KDM4B: variants seen among roughly 807,000 people sequenced by gnomAD.
KDM4B encodes the protein lysine-specific demethylase 4B.
Under a neutral mutation model 125.2 loss-of-function variants are expected in KDM4B, and 32 were observed. The observed-to-expected ratio is 0.26, with a 90% CI of 0.19 to 0.34. KDM4B has a LOEUF of 0.34. KDM4B is among the 10% of genes least tolerant of loss of function. The pLI is 1.00. For synonymous variants in KDM4B, 721 were observed against 677.9 expected (o/e 1.06, Z -0.99); for missense variants, 1,190 against 1,577.7 (o/e 0.75, Z 4.16).
Position 5,142,656 on chromosome 19 carries a change from C to G in KDM4B, c.2551-1311C>G, listed in dbSNP as rs947075783. ...GTCCAGGTGGGGCCTCTCCCCCACC[C>G]CCAGGCTCCCCAGGGAGCACAGCCT... On this transcript the variant is annotated intron_variant, in intron 18 of 22. Coordinates refer to ENST00000159111, the MANE Select transcript of KDM4B (RefSeq NM_015015.3). The surrounding 1 kb of genome is among the most constrained non-coding windows in gnomAD (Gnocchi z 5.4). 1.3e-5 allele frequency among the ~76,000 whole-genome samples: 2 copies of G among 152,114 alleles called. No homozygotes were observed. Among genetic ancestry groups the G allele is most frequent in the African/African-American group, 2.4e-5 (1 of 41,430 alleles).
In KDM4B at chr19:5,144,228, C is replaced by A; in HGVS notation, c.2737-20C>A. ...CGACACCCGCGCTGACCGCCCCCCA[C>A]ACCCTCCGCACCCTCCCAGGTCCAA... On this transcript the variant is annotated intron_variant, in intron 19 of 22. Transcript: ENST00000159111. 1 of 1,590,144 alleles carries A rather than the reference C, an allele frequency of 6.3e-7. No individual in the cohort carries two copies. The highest frequency in any genetic ancestry group is 8.6e-7 in the Non-Finnish European group (1 of 1,168,562).
chr19:5,043,995 C>T (rs1245721944), intron 5 of KDM4B, among the ~76,000 whole-genome samples: 4 of 127,704 alleles, frequency 3.1e-5, no homozygotes, highest in Admixed American at 1.6e-4. Flanking sequence ...CCTTATCCCG[C>T]GTGGTGTTTA....
intron 6 of KDM4B, among the ~76,000 whole-genome samples, chr19:5,049,847 G>A (rs1486053267): frequency 1.3e-5 from 2 of 152,150 alleles, no homozygotes; most frequent in African/African-American, 2.4e-5. Context: ...GGAGCCTCTT[G>A]GATCCTCACT....
At position 4,971,757 on chromosome 19, in the gene KDM4B, A is replaced by G. The variant is rs1184781735; in HGVS notation, c.-109+2527A>G. The stretch of plus-strand genomic sequence containing the variant: ...CTCAGGGAGCAGGCAGGAGGAGGCG[A>G]GGCTGTTGAGGGCCTGAGGTGCATT... On this transcript the variant is annotated intron_variant, in intron 1 of 22. Coordinates refer to ENST00000159111, the MANE Select transcript of KDM4B (RefSeq NM_015015.3). The surrounding 1 kb of genome is among the most constrained non-coding windows in gnomAD (Gnocchi z 4.1). Among the ~76,000 whole-genome samples, 3 of 152,090 alleles carry G rather than the reference A, an allele frequency of 2.0e-5. No individual in the cohort carries two copies. Among genetic ancestry groups the G allele is most frequent in the Non-Finnish European group, 4.4e-5 (3 of 68,010 alleles).
intron 1 of KDM4B, among the ~76,000 whole-genome samples, chr19:5,006,148 C>T (rs935781744): frequency 2.1e-4 from 32 of 152,026 alleles, no homozygotes; most frequent in Non-Finnish European, 4.1e-4. Flanking sequence ...CCCTTCCTTC[C>T]ATCCCTGCTG....
In KDM4B at chr19:5,144,863, G is replaced by A. The variant is rs547299916; in HGVS notation, c.2982G>A (p.Lys994=). 6.2e-7 allele frequency: 1 copy of A among 1,612,934 alleles called. No homozygotes were observed. Among genetic ancestry groups the A allele is most frequent in the African/African-American group, 1.3e-5 (1 of 75,012 alleles). ...ELRWTDGNLY[K]AKFISSVTSH... ...GGTGGACTGACGGCAACCTCTACAA[G>A]GCCAAGTTCATCTCCTCCGTCACCA... The change falls in exon 21 of 23, where the codon AAG becomes AAA. Residue 994 remains lysine (K), a synonymous_variant. Coordinates refer to ENST00000159111, the MANE Select transcript of KDM4B (RefSeq NM_015015.3).
intron 1 of KDM4B, among the ~76,000 whole-genome samples, chr19:4,977,579 T>G (rs1040348197): frequency 1.3e-5 from 2 of 152,140 alleles, no homozygotes; most frequent in African/African-American, 4.8e-5. Context: ...GCTGCCCTAG[T>G]CTCCAGGGAG....
Position 5,123,528 on chromosome 19 carries a change from T to C in KDM4B, c.1315+3676T>C, listed in dbSNP as rs531485431. 2.7e-4 allele frequency among the ~76,000 whole-genome samples: 41 copies of C among 152,214 alleles called. No homozygotes were observed. In the South Asian group the frequency reaches 8.3e-3, roughly 31 times the overall value. On this transcript the variant is annotated intron_variant, in intron 11 of 22. Coordinates refer to ENST00000159111, the MANE Select transcript of KDM4B (RefSeq NM_015015.3). ...GCAGTGACGCCCTTCCCAAACAAGG[T>C]GGCACCCCAGGTCCGGGGGCTAGGA...
chr19:5,022,637 G>C (rs1378034065), intron 2 of KDM4B, among the ~76,000 whole-genome samples: 1 of 152,194 alleles, frequency 6.6e-6, no homozygotes, highest in East Asian at 1.9e-4. Flanking sequence ...AGTTAGCTCT[G>C]TGACCATGCG....
At chr19:5,024,991 A>G (rs1165621493) in intron 2 of KDM4B, among the ~76,000 whole-genome samples, 1 of 152,264 alleles carries the variant, frequency 6.6e-6, no homozygotes, top group Non-Finnish European at 1.5e-5. Flanking sequence ...ACAATTTGCG[A>G]ACCATACAAG....
At chr19:5,030,842 G>A (rs1283561316) in intron 2 of KDM4B, among the ~76,000 whole-genome samples, 3 of 152,268 alleles carry the variant, frequency 2.0e-5, no homozygotes, top group Non-Finnish European at 4.4e-5. Flanking sequence ...GACCACTGTG[G>A]CCACCACCGC....
intron 6 of KDM4B, 110 bp downstream of exon 6, chr19:5,047,779 C>T (rs944672996): frequency 3.1e-5 from 33 of 1,068,636 alleles, no homozygotes; most frequent in Admixed American, 2.9e-4. Context: ...CAGGTGAGGC[C>T]GCAAAGGTCG....
chr19:5,019,648 A>G (rs1418527250), intron 2 of KDM4B, among the ~76,000 whole-genome samples: 1 of 104,210 alleles, frequency 9.6e-6, no homozygotes, highest in African/African-American at 3.9e-5. Flanking sequence ...GTTTGTGTGG[A>G]CGTTGGTGTG....
chr19:5,130,543 G>A (rs1295003065), intron 11 of KDM4B, among the ~76,000 whole-genome samples: 2 of 152,344 alleles, frequency 1.3e-5, no homozygotes, highest in East Asian at 1.9e-4. Flanking sequence ...GTTGGGGTTC[G>A]TTGATTAAGA....
chr19:5,145,469 T>C (rs986624084), intron 21 of KDM4B, among the ~76,000 whole-genome samples: 2 of 152,082 alleles, frequency 1.3e-5, no homozygotes, highest in African/African-American at 4.8e-5. Context: ...TAGTCCCAGC[T>C]GCTCGGGAGG....
intron 2 of KDM4B, among the ~76,000 whole-genome samples, chr19:5,017,066 T>G (rs961329022): frequency 6.6e-6 from 1 of 152,206 alleles, no homozygotes; most frequent in Non-Finnish European, 1.5e-5. Flanking sequence ...GGCTGCCTTG[T>G]GCGGCGTCGC....
At position 4,969,236 on chromosome 19, in the gene KDM4B, C is replaced by A. The variant is rs996136629; in HGVS notation, c.-109+6C>A. On this transcript the variant is annotated splice_donor_region_variant and intron_variant, in intron 1 of 22. Transcript: ENST00000159111. ...GGCCGCGCACGCCGCCTCAGGTGAG[C>A]CCACGGGGAGGCCGCCCGGCCGTGT... 6.7e-6 allele frequency: 1 copy of A among 148,220 alleles called. No individual in the cohort carries two copies. Among genetic ancestry groups the A allele is most frequent in the Non-Finnish European group, 1.5e-5 (1 of 66,612 alleles). The allele number at this position is 148,220 out of a possible 1,614,324, so 9.2% of individuals were successfully genotyped here. A position where few individuals can be genotyped will look rare whatever the true frequency, so the allele number is the denominator to read the frequency against.
chr19:5,050,287 C>T (rs545669734), intron 6 of KDM4B, among the ~76,000 whole-genome samples: 1 of 152,390 alleles, frequency 6.6e-6, no homozygotes, highest in South Asian at 2.1e-4. Flanking sequence ...AAACATGCTT[C>T]AAAAGGCTGG....
At chr19:5,041,791 C>T (rs1165652264) in intron 5 of KDM4B, among the ~76,000 whole-genome samples, 3 of 152,232 alleles carry the variant, frequency 2.0e-5, no homozygotes, top group African/African-American at 7.2e-5. Context: ...ATAAGGTCCC[C>T]CAGGCCCCGC....
Sources: allele counts gnomAD v4.1 joint callset (sites outside exome capture counted in the v4.1 genomes callset), GRCh38; gene constraint gnomAD v4.1.1; non-coding constraint Gnocchi (gnomAD v3.1); transcripts MANE v1.5; gene names NCBI Gene and HGNC (gene_info 2026-07-23, HGNC 2026-07-21).